The following CCDC171 variants were observed in gnomAD, a reference collection of about 807,000 sequenced individuals.
CCDC171 encodes the protein coiled-coil domain containing 171.
In CCDC171, 177 loss-of-function variants were observed where a neutral mutation model predicts 168.2. The observed-to-expected ratio is 1.05, with a 90% CI of 0.93 to 1.19. The LOEUF is 1.19. CCDC171 is among the 50% of genes most tolerant of loss of function. CCDC171 has a pLI of 0.00. For synonymous variants in CCDC171, 687 were observed against 540.8 expected (o/e 1.27, Z -3.75); for missense variants, 1,991 against 1,539.0 (o/e 1.29, Z -4.91).
intron 11 of CCDC171, among the ~76,000 whole-genome samples, chr9:15,707,463 G>A (rs2052334615): frequency 6.6e-6 from 1 of 152,078 alleles, no homozygotes; most frequent in African/African-American, 2.4e-5. Flanking sequence ...GTTGATAGTT[G>A]GAATAAAGTG....
At chr9:15,772,336 C>A (rs1250200939) in intron 18 of CCDC171, among the ~76,000 whole-genome samples, 1 of 152,114 alleles carries the variant, frequency 6.6e-6, no homozygotes, top group Non-Finnish European at 1.5e-5. Flanking sequence ...TACAGTAAGA[C>A]AAATTCGCTT....
the CCDC171 span, among the ~76,000 whole-genome samples, chr9:16,101,511 A>G: frequency 6.6e-6 from 1 of 152,384 alleles, no homozygotes; most frequent in Non-Finnish European, 1.5e-5. Context: ...GTTACACTAC[A>G]TGGCAAAAGG....
chr9:15,701,449 A>T (rs1268703259), intron 11 of CCDC171, among the ~76,000 whole-genome samples: 2 of 152,126 alleles, frequency 1.3e-5, no homozygotes. Flanking sequence ...TCATTCTTCT[A>T]CATATGGATA....
At chr9:15,666,424 T>G in intron 9 of CCDC171, 101 bp downstream of exon 9, 1 of 758,420 alleles carries the variant, frequency 1.3e-6, no homozygotes, top group Non-Finnish European at 2.0e-6. Flanking sequence ...TAGCTCCCAT[T>G]AATGTCAGTG....
chr9:15,887,885 C>T (rs957692138), intron 24 of CCDC171: 1 of 152,274 alleles, frequency 6.6e-6, no homozygotes, highest in East Asian at 1.9e-4. Flanking sequence ...CTCTTACAAC[C>T]TGCTTTCTAT....
chr9:15,806,081 G>C (rs559751683), intron 21 of CCDC171, among the ~76,000 whole-genome samples: 2 of 152,026 alleles, frequency 1.3e-5, no homozygotes, highest in Non-Finnish European at 2.9e-5. Context: ...TTTTGCATTT[G>C]CTTGGTAAAC....
chr9:15,750,575 C>G (rs994596026), intron 18 of CCDC171, among the ~76,000 whole-genome samples: 2 of 152,144 alleles, frequency 1.3e-5, no homozygotes, highest in African/African-American at 4.8e-5. Flanking sequence ...CAATAAAATA[C>G]TGGCAAACCG....
chr9:15,760,261 A>C (rs2056371812), intron 18 of CCDC171, among the ~76,000 whole-genome samples: 1 of 152,194 alleles, frequency 6.6e-6, no homozygotes, highest in South Asian at 2.1e-4. Context: ...AGCTTTTAAT[A>C]ATAACTGTAT....
intron 24 of CCDC171, among the ~76,000 whole-genome samples, chr9:15,905,197 A>T (rs1822369521): frequency 6.6e-6 from 1 of 152,160 alleles, no homozygotes; most frequent in Non-Finnish European, 1.5e-5. Flanking sequence ...AGAACTCTCC[A>T]CCCCAAATCA....
chr9:15,752,565 AAAAAGGAT>A (rs1370572307), intron 18 of CCDC171, among the ~76,000 whole-genome samples: 17 of 152,338 alleles, frequency 1.1e-4, no homozygotes, highest in African/African-American at 2.9e-4. Flanking sequence ...ATGCAGCCAC[AAAAAGGAT>A]GAGTTCATGT....
intron 3 of CCDC171, among the ~76,000 whole-genome samples, chr9:15,987,138 T>G (rs1216281164): frequency 1.3e-5 from 2 of 152,152 alleles, no homozygotes; most frequent in Middle Eastern, 3.4e-3. Flanking sequence ...TGAAAAAAAT[T>G]TACTATACAC....
At chr9:15,754,334 C>G (rs940797207) in intron 18 of CCDC171, among the ~76,000 whole-genome samples, 2 of 152,074 alleles carry the variant, frequency 1.3e-5, no homozygotes, top group African/African-American at 4.8e-5. Flanking sequence ...TTTAACTTTA[C>G]TGGGTCTCAG....
At chr9:15,975,372 GA>G (rs1312813938), downstream of CCDC171, among the ~76,000 whole-genome samples, 2 of 151,886 alleles carry the variant, frequency 1.3e-5, no homozygotes, top group African/African-American at 4.8e-5. Context: ...TTTTTAAAGA[GA>G]AAAAAAAATT....
Position 15,784,690 on chromosome 9 carries a change from T to G in CCDC171, c.3263T>G (p.Val1088Gly). Residue 1088 changes from valine (V) to glycine (G), a missense_variant, in exon 21 of 26, where the codon GTT becomes GGT. By Grantham distance (109) the Val-to-Gly change is moderately radical. Transcript: ENST00000380701. The stretch of plus-strand genomic sequence containing the variant: ...AAAAACCAAACTCTTGGAGAAGCTG[T>G]TAAGGTAAGAGAATAAAGGGATATT... ...ADKNQTLGEAVKSLSEAKMEL... is the reference protein window; with the variant it reads ...ADKNQTLGEAGKSLSEAKMEL... The G allele has an allele frequency of 1.9e-6, 3 of 1,610,342 alleles. No homozygotes were observed. The highest frequency in any genetic ancestry group is 2.5e-6 in the Non-Finnish European group (3 of 1,177,434).
chr9:15,929,314 C>G (rs187724021), intron 25 of CCDC171, among the ~76,000 whole-genome samples: 1 of 151,586 alleles, frequency 6.6e-6, no homozygotes, highest in South Asian at 2.1e-4. Flanking sequence ...TGAGTGTCTC[C>G]CCTACTATTT....
At chr9:16,003,203 C>T (rs1015998027) in intron 3 of CCDC171, among the ~76,000 whole-genome samples, 1 of 152,216 alleles carries the variant, frequency 6.6e-6, no homozygotes, top group Non-Finnish European at 1.5e-5. Flanking sequence ...CATTACTTTG[C>T]TGTGTAACCT....
intron 25 of CCDC171, among the ~76,000 whole-genome samples, chr9:15,926,884 C>A (rs1589148161): frequency 6.6e-6 from 1 of 151,612 alleles, no homozygotes; most frequent in African/African-American, 2.4e-5. Context: ...GGCAAAAGAA[C>A]TAAAACAACC....
At chr9:15,658,706 C>T (rs894825119) in intron 8 of CCDC171, among the ~76,000 whole-genome samples, 1 of 151,952 alleles carries the variant, frequency 6.6e-6, no homozygotes, top group South Asian at 2.1e-4. Context: ...CACCATGAAC[C>T]CAGGAATGTG....
At chr9:15,599,941 G>A (rs937960175) in intron 6 of CCDC171, among the ~76,000 whole-genome samples, 16 of 151,778 alleles carry the variant, frequency 1.1e-4, no homozygotes, top group African/African-American at 2.9e-4. Flanking sequence ...TGATCGAATC[G>A]GCTACTGAAG....
Sources: allele counts gnomAD v4.1 joint callset (sites outside exome capture counted in the v4.1 genomes callset), GRCh38; gene constraint gnomAD v4.1.1; transcripts MANE v1.5; gene names NCBI Gene and HGNC (gene_info 2026-07-23, HGNC 2026-07-21).